The following TECPR2 variants were observed in gnomAD, a reference collection of about 807,000 sequenced individuals.
TECPR2 encodes tectonin beta-propeller repeat containing 2.
A neutral mutation model predicts 138.1 loss-of-function variants in TECPR2; 65 were observed. The observed-to-expected ratio is 0.47, with a 90% confidence interval of 0.39 to 0.58. The LOEUF (loss-of-function observed/expected upper bound fraction) is 0.58. Among genes scored for constraint, TECPR2 ranks in the 20% least tolerant of loss-of-function variants. TECPR2 has a pLI of 0.00. For synonymous variants in TECPR2, 746 were observed against 749.8 expected (o/e 0.99, Z 0.08); for missense variants, 1,553 against 1,824.5 (o/e 0.85, Z 2.71).
chr14:102,376,188 T>C (rs1887634975), intron 1 of TECPR2, among the ~76,000 whole-genome samples: 2 of 152,278 alleles, frequency 1.3e-5, no homozygotes, highest in African/African-American at 4.8e-5. Flanking sequence ...CTTTCCTGTT[T>C]CTCTTTTCCA....
rs1306516999 is a variant in TECPR2, at chr14:102,500,413, G to A, written c.*2156G>A. Reference sequence around the variant, plus strand: ...TAGCCTCTGAGGAGGACGCTGTGGGGTGAGGTCCAGGGCTGCCTCCTCATG... The same window carrying A: ...TAGCCTCTGAGGAGGACGCTGTGGGATGAGGTCCAGGGCTGCCTCCTCATG... On this transcript the variant is annotated 3_prime_UTR_variant, in exon 20 of 20. Coordinates refer to ENST00000359520, the MANE Select transcript of TECPR2 (RefSeq NM_014844.5). 1 of 152,298 alleles carries A rather than the reference G, an allele frequency of 6.6e-6. No homozygotes were observed. The highest frequency in any genetic ancestry group is 2.4e-5 in the African/African-American group (1 of 41,466). The allele number at this position is 152,298 out of a possible 1,614,324, so 9.4% of individuals were successfully genotyped here. A position where few individuals can be genotyped will look rare whatever the true frequency, so the allele number is the denominator to read the frequency against.
rs1343875859 is a variant in TECPR2 at position 102,441,365 on chromosome 14, A to G, written c.2752+756A>G. On this transcript the variant is annotated intron_variant, in intron 11 of 19. Transcript: ENST00000359520. ...GATTACAGGTGTGAGCCACCACACCAGGCCATAATTTGCTCTAAATAGCAG... is the reference window on the plus strand; with the variant it reads ...GATTACAGGTGTGAGCCACCACACCGGGCCATAATTTGCTCTAAATAGCAG... 2.0e-5 allele frequency among the ~76,000 whole-genome samples: 3 copies of G among 148,612 alleles called. No individual in the cohort carries two copies. In the South Asian group the frequency reaches 6.9e-4, roughly 34 times the overall value.
Position 102,376,728 on chromosome 14 carries a change from T to C in TECPR2, c.7T>C (p.Ser3Pro), listed in dbSNP as rs1233238389. The part of the protein sequence containing the change: MA[S>P]ISEPVTFREF... Reference sequence around the variant, plus strand: ...GTCTGTGGAAACCTTGGCCATGGCATCGATATCAGAGCCTGTTACATTCAG... The same window carrying C: ...GTCTGTGGAAACCTTGGCCATGGCACCGATATCAGAGCCTGTTACATTCAG... The change falls in exon 2 of 20, where the codon TCG (serine) becomes CCG (proline). Residue 3 changes from serine to proline, a missense_variant. Physicochemically the swap from Ser to Pro is moderately conservative, Grantham distance 74. Transcript: ENST00000359520. 6.2e-7 allele frequency: 1 copy of C among 1,614,216 alleles called. No homozygotes were observed. The highest frequency in any genetic ancestry group is 1.1e-5 in the South Asian group (1 of 91,084).
At position 102,407,357 on chromosome 14, in the gene TECPR2, C is replaced by G. The variant is rs1888686162; in HGVS notation, c.239C>G (p.Thr80Ser). Reference protein sequence around the residue: ...YNFEGKTESITVVKLLSCFDD... With the variant: ...YNFEGKTESISVVKLLSCFDD... ...CCCCAGGGGAAGACGGAATCTATCA[C>G]TGTGGTGAAGCTGCTGAGCTGCTTT... Residue 80 changes from threonine to serine, a missense_variant, in exon 3 of 20, where the codon ACT (threonine) becomes AGT (serine). Physicochemically the swap from Thr to Ser is moderately conservative, Grantham distance 58 (BLOSUM62 1). Transcript: ENST00000359520. 1 of 1,610,612 alleles carries G rather than the reference C, an allele frequency of 6.2e-7. No individual in the cohort carries two copies. Among genetic ancestry groups the G allele is most frequent in the Non-Finnish European group, 8.5e-7 (1 of 1,178,750 alleles).
Position 102,402,029 on chromosome 14 carries a change from G to T in TECPR2, c.220-5309G>T, listed in dbSNP as rs113905702. 3.7e-3 allele frequency among the ~76,000 whole-genome samples: 556 copies of T among 152,038 alleles called. 2 individuals carry two copies. Among genetic ancestry groups the T allele is most frequent in the Non-Finnish European group, 6.0e-3 (411 of 67,952 alleles). On this transcript the variant is annotated intron_variant, in intron 2 of 19. Coordinates refer to ENST00000359520, the MANE Select transcript of TECPR2 (RefSeq NM_014844.5). ...TATCAATAATGGATAGAAAAATAAA[G>T]AAACTTTACATGATAAACCAACTAG...
rs1194866332 is a variant in TECPR2 at position 102,376,905 on chromosome 14, C to T, written c.184C>T (p.Arg62Trp). 9 of 1,613,986 alleles carry T rather than the reference C, an allele frequency of 5.6e-6. No individual in the cohort carries two copies. The highest frequency in any genetic ancestry group is 1.3e-5 in the African/African-American group (1 of 74,908). ...CATCGGCATGCTCTATCTGTACTGC[C>T]GGCACCTCAACCAGATGAGGAAGTA... is the stretch of plus-strand genomic sequence containing the variant. ...SSIGMLYLYC[R>W]HLNQMRKYNF... Residue 62 changes from arginine to tryptophan, a missense_variant, in exon 2 of 20, where the codon CGG (arginine) becomes TGG (tryptophan). Transcript: ENST00000359520.
intron 2 of TECPR2, among the ~76,000 whole-genome samples, chr14:102,385,806 T>C (rs1887982082): frequency 6.6e-6 from 1 of 151,890 alleles, no homozygotes; most frequent in Non-Finnish European, 1.5e-5. Flanking sequence ...CGTGATGGCG[T>C]GTACCTGTAG....
intron 2 of TECPR2, among the ~76,000 whole-genome samples, chr14:102,390,756 A>G (rs999529017): frequency 6.6e-6 from 1 of 152,036 alleles, no homozygotes; most frequent in African/African-American, 2.4e-5. Flanking sequence ...CATGCTTGCC[A>G]AGCAACTTTT....
Position 102,434,461 on chromosome 14 carries a change from T to C in TECPR2, c.1644T>C (p.Asn548=). Residue 548 remains asparagine (N), a synonymous_variant, in exon 9 of 20, where the codon AAT becomes AAC. Transcript: ENST00000359520. Reference sequence around the variant, plus strand: ...AAAATACTGACCCCGAAACGTTTAATGTCCTGGAGGTGTCAGGATCAATGC... The same window carrying C: ...AAAATACTGACCCCGAAACGTTTAACGTCCTGGAGGTGTCAGGATCAATGC... ...PQENTDPETF[N]VLEVSGSMPD... The C allele has an allele frequency of 1.9e-6, 3 of 1,545,152 alleles. No homozygotes were observed. The highest frequency in any genetic ancestry group is 2.3e-5 in the East Asian group (1 of 44,386).
At chr14:102,485,259 C>T (rs1890998400) in intron 17 of TECPR2, among the ~76,000 whole-genome samples, 1 of 152,216 alleles carries the variant, frequency 6.6e-6, no homozygotes, top group Admixed American at 6.5e-5. Flanking sequence ...GTTGTTCCGT[C>T]AGCACAACTA....
In TECPR2 at chr14:102,443,676, G is replaced by A. The variant is rs1419112290; in HGVS notation, c.2782G>A (p.Ala928Thr). 5 of 1,605,692 alleles carry A rather than the reference G, an allele frequency of 3.1e-6. No individual in the cohort carries two copies. The South Asian group carries it at 5.5e-5, about 18-fold the overall frequency. ...GLSVDRPCAR[A>T]VKVDCPYPLS... The stretch of plus-strand genomic sequence containing the variant: ...GAGCGTGGATCGCCCTTGTGCCAGA[G>A]CCGTAAAGGTGGACTGTCCCTACCC... The change falls in exon 12 of 20, where the codon GCC becomes ACC. Residue 928 changes from alanine (A) to threonine (T), a missense_variant. Coordinates refer to ENST00000359520, the MANE Select transcript of TECPR2 (RefSeq NM_014844.5). This position sits in a 1 kb window ranked among gnomAD's most constrained non-coding sequence, Gnocchi z 4.9.
chr14:102,374,928 G>A (rs930805627), intron 1 of TECPR2, among the ~76,000 whole-genome samples: 6 of 152,212 alleles, frequency 3.9e-5, no homozygotes, highest in African/African-American at 1.4e-4. Flanking sequence ...GGGAAGAGGG[G>A]TGAGTGAGGC....
At chr14:102,446,103 G>A (rs980894971) in intron 13 of TECPR2, among the ~76,000 whole-genome samples, 156 bp downstream of exon 13, 4 of 151,514 alleles carry the variant, frequency 2.6e-5, no homozygotes, top group East Asian at 1.9e-4. Context: ...ATCTCCTTCC[G>A]TCATCCAGGC....
chr14:102,364,097 T>C (rs1179592501), intron 1 of TECPR2, among the ~76,000 whole-genome samples: 1 of 152,224 alleles, frequency 6.6e-6, no homozygotes, highest in Non-Finnish European at 1.5e-5. Flanking sequence ...CATCCTTTTC[T>C]CATCTATTGG....
Position 102,497,047 on chromosome 14 carries a change from C to T in TECPR2, c.3858C>T (p.Ser1286=). ...PNDQMLWVLD[S]RWNVHVRTGI... ...ACCAGATGCTGTGGGTGCTTGACAG[C>T]AGGTGGAACGTGCACGTGCGGACCG... Residue 1286 remains serine (S), a synonymous_variant, in exon 18 of 20, where the codon AGC becomes AGT. Transcript: ENST00000359520. 1 of 1,613,980 alleles carries T rather than the reference C, an allele frequency of 6.2e-7. No homozygotes were observed. The highest frequency in any genetic ancestry group is 8.5e-7 in the Non-Finnish European group (1 of 1,180,028).
At chr14:102,381,703 A>G (rs546833744) in intron 2 of TECPR2, among the ~76,000 whole-genome samples, 17 of 152,366 alleles carry the variant, frequency 1.1e-4, no homozygotes, top group African/African-American at 4.1e-4. Flanking sequence ...TTGCCAACCG[A>G]CCTGCTCTAA....
chr14:102,425,378 T>C, intron 6 of TECPR2, 87 bp downstream of exon 6: 2 of 1,371,734 alleles, frequency 1.5e-6, no homozygotes, highest in Non-Finnish European at 2.0e-6. Context: ...GACCTCAGAA[T>C]GCTACCAGGA....
At chr14:102,447,070 T>C (rs1344673542) in intron 13 of TECPR2, among the ~76,000 whole-genome samples, 1 of 152,200 alleles carries the variant, frequency 6.6e-6, no homozygotes, top group African/African-American at 2.4e-5. Context: ...GGAAACACTA[T>C]AAGAAACAGG....
chr14:102,405,028 C>A (rs1309501203), intron 2 of TECPR2, among the ~76,000 whole-genome samples: 1 of 151,880 alleles, frequency 6.6e-6, no homozygotes, highest in Admixed American at 6.6e-5. Flanking sequence ...CTCAAAATGG[C>A]CGGGGCCTGG....
Sources: gnomAD v4.1 joint callset for allele counts (sites outside exome capture counted in the v4.1 genomes callset) on GRCh38, gnomAD v4.1.1 for gene constraint, Gnocchi (gnomAD v3.1) non-coding constraint, MANE v1.5 for transcripts, NCBI Gene and HGNC (gene_info 2026-07-23, HGNC 2026-07-21) for gene names.